Variants in MAP3K20 observed in about 807,000 individuals in gnomAD.
MAP3K20 encodes the protein HCCS-4.
Under a neutral mutation model 85.7 loss-of-function variants are expected in MAP3K20, and 40 were observed. The ratio of observed to expected loss-of-function variants is 0.47; its 90% confidence interval spans 0.36 to 0.61. The LOEUF (loss-of-function observed/expected upper bound fraction) is 0.61. MAP3K20 is among the 20% of genes least tolerant of loss of function. The pLI is 0.00. For missense variants in MAP3K20, 817 were observed against 961.7 expected (o/e 0.85, Z 1.99); for synonymous variants, 325 against 327.7 (o/e 0.99, Z 0.09).
At chr2:173,108,127 A>AT (rs1356810242) in intron 2 of MAP3K20, among the ~76,000 whole-genome samples, 21 of 130,262 alleles carry the variant, frequency 1.6e-4, no homozygotes, top group Non-Finnish European at 3.1e-4. Context: ...ATAAACTGGG[A>AT]TTTTTATTTT....
intron 2 of MAP3K20, among the ~76,000 whole-genome samples, chr2:173,119,095 A>G (rs763203375): frequency 2.0e-4 from 30 of 152,236 alleles, no homozygotes; most frequent in Non-Finnish European, 3.8e-4. Flanking sequence ...GGACTAGCAA[A>G]CATAGGGAAC....
chr2:173,158,174 T>C (rs970282396), intron 2 of MAP3K20, among the ~76,000 whole-genome samples: 1 of 152,200 alleles, frequency 6.6e-6, no homozygotes, highest in Non-Finnish European at 1.5e-5. Context: ...TGTGAGAATG[T>C]AAGGGTTCAA....
At chr2:173,205,640 T>C (rs1385670220) in intron 9 of MAP3K20, among the ~76,000 whole-genome samples, 1 of 152,238 alleles carries the variant, frequency 6.6e-6, no homozygotes, top group Non-Finnish European at 1.5e-5. Flanking sequence ...AGCAACAAAC[T>C]GTGCTGCGTA....
intron 2 of MAP3K20, among the ~76,000 whole-genome samples, chr2:173,147,155 G>T (rs1689160759): frequency 6.6e-6 from 1 of 152,156 alleles, no homozygotes; most frequent in Non-Finnish European, 1.5e-5. Context: ...TCTGTGGGTT[G>T]TCTTTTCACT....
At chr2:173,229,101 T>G (rs916540116) in intron 11 of MAP3K20, among the ~76,000 whole-genome samples, 1 of 152,260 alleles carries the variant, frequency 6.6e-6, no homozygotes, top group South Asian at 2.1e-4. Context: ...CATTTGTACT[T>G]GTGAACCTCA....
rs1012328493 is a variant in MAP3K20, at chr2:173,093,854, T to TTTC, written c.159+2665_159+2666insTCT. ...GTCCTTTGTAGGGACAAGGATGAAATTGGAAATCATCATTCTCAGTAAACT... is the reference window on the plus strand; with the variant it reads ...GTCCTTTGTAGGGACAAGGATGAAATTTCTGGAAATCATCATTCTCAGTAAACT... On this transcript the variant is annotated intron_variant, in intron 2 of 19. Coordinates refer to ENST00000375213, the MANE Select transcript of MAP3K20 (RefSeq NM_016653.3). Among the ~76,000 whole-genome samples, 529 of 151,874 alleles carry TTTC rather than the reference T, an allele frequency of 3.5e-3. 5 individuals are homozygous for TTTC. The highest frequency in any genetic ancestry group is 0.012 in the African/African-American group (512 of 41,400).
intron 2 of MAP3K20, among the ~76,000 whole-genome samples, chr2:173,130,617 TATG>T (rs55635236): frequency 0.25 from 38,648 of 152,006 alleles, 6,079 homozygotes; most frequent in Non-Finnish European, 0.35. Flanking sequence ...CAGAATTAAA[TATG>T]ATATGAGAAT....
At chr2:173,105,705 T>C (rs1321505614) in intron 2 of MAP3K20, among the ~76,000 whole-genome samples, 1 of 152,082 alleles carries the variant, frequency 6.6e-6, no homozygotes, top group African/African-American at 2.4e-5. Context: ...GTACCTAGAA[T>C]AGGCAATATT....
At chr2:173,183,354 C>T (rs1690388092) in intron 4 of MAP3K20, among the ~76,000 whole-genome samples, 1 of 152,120 alleles carries the variant, frequency 6.6e-6, no homozygotes, top group African/African-American at 2.4e-5. Context: ...TAGTTCTACT[C>T]ATTTTGTATA....
intron 3 of MAP3K20, among the ~76,000 whole-genome samples, chr2:173,181,089 CT>C (rs1690311256): frequency 6.6e-6 from 1 of 152,024 alleles, no homozygotes; most frequent in African/African-American, 2.4e-5. Context: ...AGATATTTTG[CT>C]TAAGAATATA....
chr2:173,161,489 A>T (rs1689656732), intron 2 of MAP3K20, among the ~76,000 whole-genome samples: 1 of 152,186 alleles, frequency 6.6e-6, no homozygotes, highest in Admixed American at 6.5e-5. Flanking sequence ...AAACACACTG[A>T]ATATCATTAT....
intron 11 of MAP3K20, chr2:173,227,128 T>C: frequency 6.1e-6 from 6 of 985,852 alleles, no homozygotes; most frequent in Non-Finnish European, 6.0e-6. Context: ...CATTTTGCAA[T>C]AAACGTTTTG....
rs188826229 is a variant in MAP3K20, at chr2:173,219,982, C to T, written c.987+2732C>T. ...ATTTGGGAGGCTGAGGCAGGAGAAT[C>T]GCTTGAACCTGGAAGGCAGAGGTTG... On this transcript the variant is annotated intron_variant, in intron 11 of 19. Coordinates refer to ENST00000375213, the MANE Select transcript of MAP3K20 (RefSeq NM_016653.3). Among the ~76,000 whole-genome samples, 229 of 147,014 alleles carry T rather than the reference C, an allele frequency of 1.6e-3. 1 individual carries two copies. Among genetic ancestry groups the T allele is most frequent in the Admixed American group, 5.4e-3 (76 of 14,174 alleles).
chr2:173,167,488 CAT>C (rs1689868343), intron 2 of MAP3K20, among the ~76,000 whole-genome samples: 1 of 152,090 alleles, frequency 6.6e-6, no homozygotes, highest in South Asian at 2.1e-4. Flanking sequence ...TCTAAAATAA[CAT>C]GTTGTTTTTA....
chr2:173,257,260 C>G (rs1685183284), intron 16 of MAP3K20, among the ~76,000 whole-genome samples: 1 of 152,096 alleles, frequency 6.6e-6, no homozygotes, highest in African/African-American at 2.4e-5. Flanking sequence ...ATGCATGCAC[C>G]TATGTAACCC....
In MAP3K20 at chr2:173,161,182, C is replaced by T. The variant is rs1248329451; in HGVS notation, c.160-8623C>T. Among the ~76,000 whole-genome samples, 4 of 152,226 alleles carry T rather than the reference C, an allele frequency of 2.6e-5. No individual in the cohort carries two copies. In the South Asian group the frequency reaches 6.2e-4, roughly 24 times the overall value. Reference sequence around the variant, plus strand: ...AGCAAAGGATTCTCAAGAAATTGTGCTCATGTAATTGCCTTGGGCAACAGT... The same window carrying T: ...AGCAAAGGATTCTCAAGAAATTGTGTTCATGTAATTGCCTTGGGCAACAGT... On this transcript the variant is annotated intron_variant, in intron 2 of 19. Transcript: ENST00000375213.
intron 10 of MAP3K20, among the ~76,000 whole-genome samples, chr2:173,213,186 G>T (rs1431441651): frequency 1.3e-5 from 2 of 152,096 alleles, no homozygotes; most frequent in African/African-American, 4.8e-5. Context: ...ATTAAACATG[G>T]ACTAGTTGGA....
chr2:173,175,571 T>A (rs1240160373), intron 3 of MAP3K20, among the ~76,000 whole-genome samples: 2 of 152,180 alleles, frequency 1.3e-5, no homozygotes, highest in Non-Finnish European at 2.9e-5. Context: ...CTTTAAACCT[T>A]ACAGTGGGCC....
chr2:173,086,489 G>C (rs1196673676), intron 1 of MAP3K20, among the ~76,000 whole-genome samples: 1 of 152,168 alleles, frequency 6.6e-6, no homozygotes, highest in Non-Finnish European at 1.5e-5. Flanking sequence ...ACATACCCTA[G>C]ATTACTAGTT....
Sources: allele counts gnomAD v4.1 joint callset (sites outside exome capture counted in the v4.1 genomes callset), GRCh38; gene constraint gnomAD v4.1.1; transcripts MANE v1.5; gene names NCBI Gene and HGNC (gene_info 2026-07-23, HGNC 2026-07-21).